The following CPQ variants were observed in gnomAD, a reference collection of about 807,000 sequenced individuals.
CPQ encodes the protein Ser-Met dipeptidase.
CPQ carries 37 observed loss-of-function variants against 45.7 expected under a neutral mutation model. The observed-to-expected ratio is 0.81, with a 90% CI of 0.62 to 1.07. The LOEUF (loss-of-function observed/expected upper bound fraction) is 1.07. Among genes scored for constraint, CPQ ranks in the 50% least tolerant of loss-of-function variants. The probability of loss-of-function intolerance (pLI) is 0.00; values close to 1 mark genes in which losing one functional copy is unlikely to be tolerated. For synonymous variants in CPQ, 186 were observed against 205.8 expected (o/e 0.90, Z 0.82); for missense variants, 537 against 572.9 (o/e 0.94, Z 0.64).
intron 6 of CPQ, among the ~76,000 whole-genome samples, chr8:97,063,258 G>C (rs966427777): frequency 3.9e-5 from 6 of 151,992 alleles, no homozygotes; most frequent in Non-Finnish European, 8.8e-5. Context: ...TCATATGCTT[G>C]TTGGCCACAC....
intron 7 of CPQ, among the ~76,000 whole-genome samples, chr8:97,067,461 C>A (rs1810659161): frequency 6.6e-6 from 1 of 152,158 alleles, no homozygotes; most frequent in Non-Finnish European, 1.5e-5. Flanking sequence ...AGAAATATTT[C>A]TGTGGCTACA....
At chr8:97,115,589 T>C (rs1811571420) in intron 7 of CPQ, among the ~76,000 whole-genome samples, 1 of 152,244 alleles carries the variant, frequency 6.6e-6, no homozygotes, top group Non-Finnish European at 1.5e-5. Context: ...CTCGAAATAG[T>C]TGATCAGTAC....
At chr8:97,020,287 A>C (rs1487929391) in intron 5 of CPQ, among the ~76,000 whole-genome samples, 2 of 152,146 alleles carry the variant, frequency 1.3e-5, no homozygotes, top group African/African-American at 4.8e-5. Context: ...GAAAGAGCAC[A>C]AATTGAGATT....
intron 7 of CPQ, among the ~76,000 whole-genome samples, chr8:97,081,029 G>A (rs1056382395): frequency 2.6e-4 from 40 of 151,594 alleles, no homozygotes; most frequent in African/African-American, 8.7e-4. Flanking sequence ...GAAACATAGC[G>A]TGGACTTCAC....
intron 4 of CPQ, among the ~76,000 whole-genome samples, chr8:96,948,889 G>T (rs769446850): frequency 6.6e-6 from 1 of 151,900 alleles, no homozygotes; most frequent in Non-Finnish European, 1.5e-5. Context: ...TTTAATCATT[G>T]TATATGTCCT....
At chr8:96,730,783 G>A (rs567461747) in intron 1 of CPQ, among the ~76,000 whole-genome samples, 24 of 148,480 alleles carry the variant, frequency 1.6e-4, no homozygotes, top group African/African-American at 5.7e-4. Context: ...CCAGGGCAAC[G>A]GGCTTTTTAA....
intron 1 of CPQ, among the ~76,000 whole-genome samples, chr8:96,767,529 A>G (rs1810482782): frequency 6.7e-6 from 1 of 148,646 alleles, no homozygotes. Flanking sequence ...TCATCCTTTA[A>G]ATTAAACACC....
At chr8:96,853,717 G>GAATA (rs535972336) in intron 3 of CPQ, among the ~76,000 whole-genome samples, 2 of 152,140 alleles carry the variant, frequency 1.3e-5, no homozygotes, top group Non-Finnish European at 2.9e-5. Flanking sequence ...TATTGTGAGT[G>GAATA]AATAAATAAA....
chr8:96,992,563 A>G (rs922070300), intron 5 of CPQ, among the ~76,000 whole-genome samples: 13 of 152,216 alleles, frequency 8.5e-5, no homozygotes, highest in African/African-American at 3.1e-4. Context: ...AGACAGTGAC[A>G]CAGATAAGGT....
At chr8:96,915,453 A>G (rs574915115) in intron 4 of CPQ, among the ~76,000 whole-genome samples, 1 of 152,326 alleles carries the variant, frequency 6.6e-6, no homozygotes, top group Admixed American at 6.5e-5. Context: ...TGAAAATAAT[A>G]TTTGCATAAA....
At chr8:97,117,144 T>C (rs1183842428) in intron 7 of CPQ, among the ~76,000 whole-genome samples, 1 of 152,214 alleles carries the variant, frequency 6.6e-6, no homozygotes, top group African/African-American at 2.4e-5. Context: ...TTTGGGCTGG[T>C]TTTTCATGTA....
intron 5 of CPQ, among the ~76,000 whole-genome samples, chr8:96,998,433 A>C (rs1809211693): frequency 1.3e-5 from 2 of 151,926 alleles, no homozygotes; most frequent in African/African-American, 2.4e-5. Context: ...ACTGTGCAAA[A>C]CAGAGAAAAG....
chr8:97,139,271 C>T (rs868172231), intron 7 of CPQ, among the ~76,000 whole-genome samples: 3 of 152,120 alleles, frequency 2.0e-5, no homozygotes, highest in African/African-American at 4.8e-5. Context: ...ACTGGAACTA[C>T]GGAATATTCA....
At chr8:96,734,407 C>T (rs1246502958) in intron 1 of CPQ, among the ~76,000 whole-genome samples, 1 of 152,170 alleles carries the variant, frequency 6.6e-6, no homozygotes, top group Non-Finnish European at 1.5e-5. Flanking sequence ...GCATGCCACA[C>T]TCCCACTTAA....
At chr8:96,822,234 T>C (rs550796396) in intron 2 of CPQ, among the ~76,000 whole-genome samples, 1 of 152,126 alleles carries the variant, frequency 6.6e-6, no homozygotes, top group African/African-American at 2.4e-5. Flanking sequence ...ACAATATTTC[T>C]TTTTTTGGTA....
chr8:96,745,039 G>A (rs901239105), intron 1 of CPQ, among the ~76,000 whole-genome samples: 3 of 152,230 alleles, frequency 2.0e-5, no homozygotes, highest in African/African-American at 4.8e-5. Flanking sequence ...GCTGGGTGCA[G>A]TGGCTCACGC....
chr8:97,065,914 G>C (rs781751358), intron 6 of CPQ, 95 bp from the exon 7 acceptor site: 513 of 1,210,332 alleles, frequency 4.2e-4, no homozygotes, highest in Non-Finnish European at 5.8e-4. Flanking sequence ...ACAGCCGTAA[G>C]GAGGTAAAGT....
chr8:96,854,436 C>A (rs559533085), intron 3 of CPQ, among the ~76,000 whole-genome samples: 4 of 142,704 alleles, frequency 2.8e-5, no homozygotes, highest in Admixed American at 1.5e-4. Flanking sequence ...GAGGCTGAGG[C>A]AGGAGAATGG....
intron 7 of CPQ, among the ~76,000 whole-genome samples, chr8:97,106,850 C>T (rs868160706): frequency 1.3e-5 from 2 of 151,992 alleles, no homozygotes; most frequent in African/African-American, 4.8e-5. Context: ...AGGAAGAAAA[C>T]GAAAGAGAGT....
Sources: allele counts gnomAD v4.1 joint callset (sites outside exome capture counted in the v4.1 genomes callset), GRCh38; gene constraint gnomAD v4.1.1; transcripts MANE v1.5; gene names NCBI Gene and HGNC (gene_info 2026-07-23, HGNC 2026-07-21).